Variants in DGKI observed in about 807,000 individuals in gnomAD.
DGKI encodes the protein diacylglycerol kinase iota.
DGKI carries 55 observed loss-of-function variants against 147.5 expected under a neutral mutation model. The ratio of observed to expected loss-of-function variants is 0.37; its 90% CI spans 0.30 to 0.47. The LOEUF is 0.47. Among genes scored for constraint, DGKI ranks in the 20% least tolerant of loss-of-function variants. DGKI has a pLI of 1.00. For synonymous variants in DGKI, 469 were observed against 477.1 expected (o/e 0.98, Z 0.22); for missense variants, 1,007 against 1,323.8 (o/e 0.76, Z 3.71).
rs564639411 is a variant in DGKI at position 137,383,696 on chromosome 7, T to C, written c.*7524A>G. The C allele has an allele frequency of 6.6e-5, 10 of 152,092 alleles. No individual in the cohort carries two copies. The East Asian group carries it at 9.6e-4, about 15-fold the overall frequency. 9.4% of individuals were successfully genotyped at this position (152,092 alleles called of 1,614,324 possible). A position where few individuals can be genotyped will look rare whatever the true frequency, so the allele number is the denominator to read the frequency against. On this transcript the variant is annotated 3_prime_UTR_variant, in exon 33 of 33. Transcript: ENST00000614521. ...TTCTGGATGCAATGTTTAGGAAAAATAAATCCTTATAAGTAATAAAGCTAA... is the reference window on the plus strand; with the variant it reads ...TTCTGGATGCAATGTTTAGGAAAAACAAATCCTTATAAGTAATAAAGCTAA...
At chr7:137,782,239 G>A (rs952966587) in intron 1 of DGKI, among the ~76,000 whole-genome samples, 4 of 152,148 alleles carry the variant, frequency 2.6e-5, no homozygotes, top group African/African-American at 9.7e-5. Context: ...AATAGACTCG[G>A]TGCTGTCGTG....
intron 13 of DGKI, among the ~76,000 whole-genome samples, chr7:137,585,805 G>C (rs1367172715): frequency 2.0e-5 from 3 of 152,118 alleles, no homozygotes; most frequent in African/African-American, 7.2e-5. Context: ...GACCTCCTTG[G>C]AAGACACCAT....
chr7:137,437,249 T>G (rs1813321428), intron 28 of DGKI, among the ~76,000 whole-genome samples: 1 of 152,184 alleles, frequency 6.6e-6, no homozygotes, highest in South Asian at 2.1e-4. Flanking sequence ...TAGAATTCTC[T>G]TCCCACAAAA....
intron 1 of DGKI, among the ~76,000 whole-genome samples, chr7:137,800,029 A>G (rs1254610969): frequency 6.6e-6 from 1 of 152,194 alleles, no homozygotes; most frequent in Non-Finnish European, 1.5e-5. Flanking sequence ...CAGGGGTGGC[A>G]GGGATAGGAG....
intron 15 of DGKI, among the ~76,000 whole-genome samples, chr7:137,580,110 T>G (rs1819137413): frequency 6.6e-6 from 1 of 152,232 alleles, no homozygotes; most frequent in South Asian, 2.1e-4. Context: ...GCTCATTGAA[T>G]GAGCTCATTG....
In DGKI at chr7:137,587,040, A is replaced by C; in HGVS notation, c.1425+57T>G. On this transcript the variant is annotated intron_variant, in intron 13 of 32. Transcript: ENST00000614521. ...CCCTCTTCCATTAGAACATCAGTGGATCTGGAATCCGGTTTGTTGTTTGAT... is the reference window on the plus strand; with the variant it reads ...CCCTCTTCCATTAGAACATCAGTGGCTCTGGAATCCGGTTTGTTGTTTGAT... 3 of 1,259,326 alleles carry C rather than the reference A, an allele frequency of 2.4e-6. No individual in the cohort carries two copies. In the South Asian group the frequency reaches 5.3e-5, roughly 22 times the overall value. 78.0% of individuals were successfully genotyped at this position (1,259,326 alleles called of 1,614,324 possible).
intron 6 of DGKI, among the ~76,000 whole-genome samples, chr7:137,626,185 G>A (rs1820934001): frequency 1.3e-5 from 2 of 152,100 alleles, no homozygotes; most frequent in South Asian, 4.1e-4. Flanking sequence ...AGTCCTGTGT[G>A]TCCTCCTAGT....
rs1554442873 is a variant in DGKI, at chr7:137,620,017, A to ATG, written c.877-78_877-77insCA. Reference sequence around the variant, plus strand: ...AGCAAGAAGGGATAAATATGTACACACGCACACACACACACACACACACAC... The same window carrying ATG: ...AGCAAGAAGGGATAAATATGTACACATGCGCACACACACACACACACACACAC... On this transcript the variant is annotated intron_variant, in intron 7 of 32. Transcript: ENST00000614521. 97 of 679,386 alleles carry ATG rather than the reference A, an allele frequency of 1.4e-4. No individual in the cohort carries two copies. The African/African-American group carries it at 1.8e-3, about 13-fold the overall frequency. The allele number at this position is 679,386 out of a possible 1,614,324, so 42.1% of individuals were successfully genotyped here.
At chr7:137,652,648 C>T (rs1822069867) in intron 5 of DGKI, among the ~76,000 whole-genome samples, 1 of 152,154 alleles carries the variant, frequency 6.6e-6, no homozygotes, top group Non-Finnish European at 1.5e-5. Flanking sequence ...CTATTGCTGC[C>T]ATGCTGCACA....
At chr7:137,734,825 A>G (rs376341997) in intron 1 of DGKI, among the ~76,000 whole-genome samples, 84 of 152,232 alleles carry the variant, frequency 5.5e-4, no homozygotes, top group African/African-American at 1.9e-3. Context: ...CATTCTGTAG[A>G]TTTTTAGAAA....
chr7:137,829,115 A>G (rs545517825), intron 1 of DGKI, among the ~76,000 whole-genome samples: 1 of 152,344 alleles, frequency 6.6e-6, no homozygotes, highest in African/African-American at 2.4e-5. Flanking sequence ...CCCAAAAGCT[A>G]TAGAACACAT....
intron 19 of DGKI, among the ~76,000 whole-genome samples, chr7:137,552,902 G>C (rs535193046): frequency 6.6e-6 from 1 of 151,978 alleles, no homozygotes; most frequent in African/African-American, 2.4e-5. Context: ...GCAATAGAGC[G>C]AGACTCCATC....
intron 14 of DGKI, 96 bp from the exon 15 acceptor site, chr7:137,582,024 C>T: frequency 1.1e-6 from 1 of 874,998 alleles, no homozygotes; most frequent in South Asian, 1.7e-5. Context: ...CTGAAGAAGT[C>T]CCTAGGAGAC....
At chr7:137,647,014 G>T (rs747206738) in intron 5 of DGKI, among the ~76,000 whole-genome samples, 22 of 152,104 alleles carry the variant, frequency 1.4e-4, no homozygotes, top group Non-Finnish European at 2.2e-4. Context: ...AAGCACAATG[G>T]TCCCACAATT....
At position 137,487,626 on chromosome 7, in the gene DGKI, A is replaced by G. The variant is rs1815612635; in HGVS notation, c.2312T>C (p.Ile771Thr). The change falls in exon 22 of 33, where the codon ATA (isoleucine) becomes ACA (threonine). Residue 771 changes from isoleucine (I) to threonine (T), a missense_variant. This residue lies in a region of DGKI where 385 missense variants were observed against 445.2 expected (regional missense o/e 0.86). Coordinates refer to ENST00000614521, the MANE Select transcript of DGKI (RefSeq NM_001321708.2). Reference sequence around the variant, plus strand: ...TAAACTCACCTCCTGTAGGCGGTCTATGTACATACGGCAAGTCTCCAAATC... The same window carrying G: ...TAAACTCACCTCCTGTAGGCGGTCTGTGTACATACGGCAAGTCTCCAAATC... The part of the protein sequence containing the change: ...DCDLETCRMY[I>T]DRLQEDLQSV... 1 of 1,613,756 alleles carries G rather than the reference A, an allele frequency of 6.2e-7. No individual in the cohort carries two copies. Among genetic ancestry groups the G allele is most frequent in the Non-Finnish European group, 8.5e-7 (1 of 1,179,704 alleles).
In DGKI at chr7:137,770,659, A is replaced by C. The variant is rs1033831137; in HGVS notation, c.401+75803T>G. On this transcript the variant is annotated intron_variant, in intron 1 of 32. Transcript: ENST00000614521. ...CGCCATTCTCCTGCCTCAGCCTCCCAAGTAGCTGGGACTACAGGCGCCCGC... is the reference window on the plus strand; with the variant it reads ...CGCCATTCTCCTGCCTCAGCCTCCCCAGTAGCTGGGACTACAGGCGCCCGC... Among the ~76,000 whole-genome samples the C allele has an allele frequency of 6.7e-3, 605 of 89,898 alleles. 142 individuals carry two copies. The highest frequency in any genetic ancestry group is 0.013 in the Middle Eastern group (2 of 156). The allele number at this position is 89,898 out of a possible 152,430, so 59.0% of individuals were successfully genotyped here. A position where few individuals can be genotyped will look rare whatever the true frequency, so the allele number is the denominator to read the frequency against.
chr7:137,499,275 G>T (rs1282242039), intron 21 of DGKI, among the ~76,000 whole-genome samples: 1 of 152,120 alleles, frequency 6.6e-6, no homozygotes, highest in Non-Finnish European at 1.5e-5. Context: ...TAAGTGGCAG[G>T]TACACCGGTG....
intron 23 of DGKI, among the ~76,000 whole-genome samples, chr7:137,481,438 T>C (rs576998027): frequency 3.3e-5 from 5 of 152,228 alleles, no homozygotes; most frequent in East Asian, 1.9e-4. Flanking sequence ...CTCAAGAATA[T>C]CCTAAATCTG....
At position 137,529,910 on chromosome 7, in the gene DGKI, C is replaced by A. The variant is rs191861351; in HGVS notation, c.2148-7944G>T. Among the ~76,000 whole-genome samples, 3 of 152,204 alleles carry A rather than the reference C, an allele frequency of 2.0e-5. 1 individual carries two copies. Among genetic ancestry groups the A allele is most frequent in the Admixed American group, 2.0e-4 (3 of 15,284 alleles). ...GATTACAGGAGTGTGCCAATACACCCAGTTAATTTTGTATTTTAACTAGAG... is the reference window on the plus strand; with the variant it reads ...GATTACAGGAGTGTGCCAATACACCAAGTTAATTTTGTATTTTAACTAGAG... On this transcript the variant is annotated intron_variant, in intron 20 of 32. Transcript: ENST00000614521.
Sources: allele counts gnomAD v4.1 joint callset (sites outside exome capture counted in the v4.1 genomes callset), GRCh38; gene constraint gnomAD v4.1.1; regional missense constraint gnomAD v4.1.1; transcripts MANE v1.5; gene names NCBI Gene and HGNC (gene_info 2026-07-23, HGNC 2026-07-21).